ADGRF3: variants seen among roughly 807,000 people sequenced by gnomAD.
The protein encoded by ADGRF3 is G protein-coupled receptor 113.
A neutral mutation model predicts 93.2 loss-of-function variants in ADGRF3; 85 were observed. The observed-to-expected ratio is 0.91, with a 90% CI of 0.77 to 1.09. ADGRF3 has a LOEUF of 1.09. Among genes scored for constraint, ADGRF3 ranks in the 50% least tolerant of loss-of-function variants. The pLI is 0.00. For missense variants in ADGRF3, 1,125 were observed against 1,246.2 expected (o/e 0.90, Z 1.46); for synonymous variants, 534 against 532.5 (o/e 1.00, Z -0.04).
intron 1 of ADGRF3, among the ~76,000 whole-genome samples, chr2:26,321,922 G>C (rs1373527706): frequency 6.7e-6 from 1 of 148,772 alleles, no homozygotes; most frequent in African/African-American, 2.5e-5. Flanking sequence ...GCAGTGAGCT[G>C]AGATCGTGCC....
intron 13 of ADGRF3, 82 bp from the exon 14 acceptor site, chr2:26,309,189 C>A (rs1172517148): frequency 1.2e-6 from 2 of 1,613,760 alleles, no homozygotes; most frequent in African/African-American, 2.7e-5. Flanking sequence ...CCAAGCCCAC[C>A]CATGGCAATC....
At chr2:26,312,558 C>T (rs1272121967) in intron 9 of ADGRF3, among the ~76,000 whole-genome samples, 2 of 152,218 alleles carry the variant, frequency 1.3e-5, no homozygotes, top group East Asian at 3.8e-4. Flanking sequence ...CTTTTGGCTG[C>T]AGCTCATGGG....
intron 1 of ADGRF3, among the ~76,000 whole-genome samples, chr2:26,338,866 G>C (rs67981875): frequency 6.6e-6 from 1 of 151,798 alleles, no homozygotes; most frequent in East Asian, 1.9e-4. Context: ...GGCTGGGTGC[G>C]GTGGCTCACG....
chr2:26,310,625 G>A (rs774767547), intron 10 of ADGRF3, 67 bp downstream of exon 10: 185 of 1,490,622 alleles, frequency 1.2e-4, no homozygotes, highest in Non-Finnish European at 1.7e-4. Flanking sequence ...ACCTCCTAGA[G>A]AAGAGATCGG....
chr2:26,342,007 A>G (rs1676425720), intron 1 of ADGRF3, among the ~76,000 whole-genome samples: 1 of 151,560 alleles, frequency 6.6e-6, no homozygotes, highest in Admixed American at 6.6e-5. Flanking sequence ...CGGGAGGCGG[A>G]GATTGCAGTG....
chr2:26,344,952 G>A (rs1363531557), intron 1 of ADGRF3, among the ~76,000 whole-genome samples: 4 of 152,096 alleles, frequency 2.6e-5, no homozygotes, highest in Non-Finnish European at 4.4e-5. Flanking sequence ...GGCATATCTC[G>A]GGTCCCCAAT....
Position 26,311,710 on chromosome 2 carries a change from C to A in ADGRF3, c.1814G>T (p.Gly605Val). Residue 605 changes from glycine to valine, a missense_variant, in exon 10 of 14, where the codon GGG (glycine) becomes GTG (valine). Gly to Val is a moderately radical substitution (Grantham distance 109). Coordinates refer to ENST00000651242, the MANE Select transcript of ADGRF3 (RefSeq NM_001321971.2). Reference sequence around the variant, plus strand: ...AGTGGCATAGAGGGAATCCCCCAGCCCTTGTCCATAGTTTGAGGGCAGAAG... The same window carrying A: ...AGTGGCATAGAGGGAATCCCCCAGCACTTGTCCATAGTTTGAGGGCAGAAG... ...DHLLPSNYGQ[G>V]LGDSLYATPG... 1 of 1,613,480 alleles carries A rather than the reference C, an allele frequency of 6.2e-7. No homozygotes were observed. The highest frequency in any genetic ancestry group is 8.5e-7 in the Non-Finnish European group (1 of 1,179,734).
At chr2:26,318,656 A>T (rs1209161564) in intron 1 of ADGRF3, among the ~76,000 whole-genome samples, 1 of 152,146 alleles carries the variant, frequency 6.6e-6, no homozygotes. Context: ...CCAAATCTGC[A>T]AAATTTTTCT....
At chr2:26,346,014 C>G in intron 1 of ADGRF3, 107 bp downstream of exon 1, 1 of 1,207,134 alleles carries the variant, frequency 8.3e-7, no homozygotes, top group East Asian at 2.6e-5. Flanking sequence ...CTAGCAACCC[C>G]CCCTCGATGG....
chr2:26,317,734 T>G (rs1674827447), intron 1 of ADGRF3, among the ~76,000 whole-genome samples, 172 bp from the exon 2 acceptor site: 1 of 152,200 alleles, frequency 6.6e-6, no homozygotes, highest in African/African-American at 2.4e-5. Flanking sequence ...GTGCCAGGGA[T>G]GCAACCCCAG....
intron 1 of ADGRF3, among the ~76,000 whole-genome samples, chr2:26,325,513 C>G (rs1193861761): frequency 6.6e-6 from 1 of 152,066 alleles, no homozygotes; most frequent in Non-Finnish European, 1.5e-5. Context: ...TTCAGAAAAC[C>G]CTGCTTCAGC....
At chr2:26,318,655 C>G (rs1426792002) in intron 1 of ADGRF3, among the ~76,000 whole-genome samples, 1 of 152,072 alleles carries the variant, frequency 6.6e-6, no homozygotes, top group Non-Finnish European at 1.5e-5. Flanking sequence ...TCCAAATCTG[C>G]AAAATTTTTC....
chr2:26,310,014 C>T (rs1673913583), intron 12 of ADGRF3, 29 bp downstream of exon 12: 1 of 1,614,082 alleles, frequency 6.2e-7, no homozygotes. Context: ...CTTGGATGCA[C>T]AGCTGAGGAT....
At position 26,346,405 on chromosome 2, in the gene ADGRF3, G is replaced by A; in HGVS notation, c.-171C>T. Reference sequence around the variant, plus strand: ...GCCGCGTGGCTCCGGGCGGGCTGGCGGGCGTTCCTCCGGAGGTCCTGCGGG... The same window carrying A: ...GCCGCGTGGCTCCGGGCGGGCTGGCAGGCGTTCCTCCGGAGGTCCTGCGGG... On this transcript the variant is annotated 5_prime_UTR_variant, in exon 1 of 14. Transcript: ENST00000651242. 7.7e-7 allele frequency: 1 copy of A among 1,301,690 alleles called. No individual in the cohort carries two copies. The highest frequency in any genetic ancestry group is 1.0e-6 in the Non-Finnish European group (1 of 989,832). The allele number at this position is 1,301,690 out of a possible 1,614,324, so 80.6% of individuals were successfully genotyped here.
chr2:26,327,300 AACAG>A (rs1445849927), intron 1 of ADGRF3, among the ~76,000 whole-genome samples: 13 of 152,250 alleles, frequency 8.5e-5, no homozygotes, highest in Non-Finnish European at 1.9e-4. Flanking sequence ...TGGATACAGA[AACAG>A]ACAAACATGA....
chr2:26,345,410 C>T (rs1018345989), intron 1 of ADGRF3, among the ~76,000 whole-genome samples: 19 of 152,202 alleles, frequency 1.2e-4, no homozygotes, highest in East Asian at 5.8e-4. Flanking sequence ...TCGGGAGACA[C>T]CAGCAATCTT....
At position 26,311,723 on chromosome 2, in the gene ADGRF3, T is replaced by G; in HGVS notation, c.1801A>C (p.Asn601His). The change falls in exon 10 of 14, where the codon AAC (asparagine) becomes CAC (histidine). Residue 601 changes from asparagine to histidine, a missense_variant. Asn to His is a moderately conservative substitution (Grantham distance 68, BLOSUM62 1). Transcript: ENST00000651242. ...GAATCCCCCAGCCCTTGTCCATAGT[T>G]TGAGGGCAGAAGGTGGTCCAGTTTT... is the stretch of plus-strand genomic sequence containing the variant. The part of the protein sequence containing the change: ...LRKLDHLLPS[N>H]YGQGLGDSLY... 1 of 1,613,430 alleles carries G rather than the reference T, an allele frequency of 6.2e-7. No individual in the cohort carries two copies. Among genetic ancestry groups the G allele is most frequent in the South Asian group, 1.1e-5 (1 of 90,986 alleles).
chr2:26,319,961 T>C (rs1036644823), intron 1 of ADGRF3, among the ~76,000 whole-genome samples: 2 of 152,216 alleles, frequency 1.3e-5, no homozygotes, highest in African/African-American at 4.8e-5. Flanking sequence ...TTTCATAAAA[T>C]AATTTTAAAC....
chr2:26,344,999 A>C (rs1676622973), intron 1 of ADGRF3, among the ~76,000 whole-genome samples: 1 of 152,216 alleles, frequency 6.6e-6, no homozygotes, highest in Non-Finnish European at 1.5e-5. Context: ...AAAGTATCTC[A>C]AAATAATCGC....
Sources: allele counts gnomAD v4.1 joint callset (sites outside exome capture counted in the v4.1 genomes callset), GRCh38; gene constraint gnomAD v4.1.1; transcripts MANE v1.5; gene names NCBI Gene and HGNC (gene_info 2026-07-23, HGNC 2026-07-21).